Variants in TBC1D23 observed in about 807,000 individuals in gnomAD.
TBC1D23 encodes TBC1 domain family member 23.
TBC1D23 carries 55 observed loss-of-function variants against 91.4 expected under a neutral mutation model. The ratio of observed to expected loss-of-function variants is 0.60; its 90% CI spans 0.48 to 0.75. The LOEUF is 0.75. Among genes scored for constraint, TBC1D23 ranks in the 30% least tolerant of loss-of-function variants. TBC1D23 has a pLI of 0.00. For synonymous variants in TBC1D23, 289 were observed against 281.0 expected, an observed-to-expected ratio of 1.03 and a Z score of -0.28; for missense variants, 725 against 836.1, an observed-to-expected ratio of 0.87 and a Z score of 1.64.
chr3:100,299,355 A>T, intron 10 of TBC1D23, 24 bp downstream of exon 10: 4 of 1,444,880 alleles, frequency 2.8e-6, no homozygotes, highest in Non-Finnish European at 3.8e-6. Context: ...CTGATTAATT[A>T]TTCTTAAAGT....
At chr3:100,273,075 C>A (rs1352915374) in intron 1 of TBC1D23, among the ~76,000 whole-genome samples, 2 of 152,204 alleles carry the variant, frequency 1.3e-5, no homozygotes, top group South Asian at 2.1e-4. Flanking sequence ...TCAGGTCTTT[C>A]CCTGCCCACG....
chr3:100,312,245 T>A (rs544713346), intron 15 of TBC1D23, among the ~76,000 whole-genome samples: 8 of 152,206 alleles, frequency 5.3e-5, no homozygotes, highest in Non-Finnish European at 1.2e-4. Context: ...ATCTCCCGCC[T>A]AGCAGCAGAG....
At position 100,267,878 on chromosome 3, in the gene TBC1D23, G is replaced by A. The variant is rs921519725; in HGVS notation, c.53+6807G>A. Reference sequence around the variant, plus strand: ...GATCTTAAAACAGCTCTATGAGAAAGCAAAGTTATGCATTGGGCATGATGG... The same window carrying A: ...GATCTTAAAACAGCTCTATGAGAAAACAAAGTTATGCATTGGGCATGATGG... On this transcript the variant is annotated intron_variant, in intron 1 of 18. Coordinates refer to ENST00000394144, the MANE Select transcript of TBC1D23 (RefSeq NM_001199198.3). Among the ~76,000 whole-genome samples, 5 of 152,144 alleles carry A rather than the reference G, an allele frequency of 3.3e-5. No homozygotes were observed. The South Asian group carries it at 6.2e-4, about 19-fold the overall frequency.
intron 18 of TBC1D23, 26 bp downstream of exon 18, chr3:100,320,997 A>G (rs1467973586): frequency 2.7e-6 from 4 of 1,505,418 alleles, no homozygotes; most frequent in Non-Finnish European, 3.6e-6. Context: ...AGATAATATT[A>G]TCTGAATTCA....
chr3:100,323,027 A>G (rs1705889691), intron 18 of TBC1D23, among the ~76,000 whole-genome samples: 1 of 152,214 alleles, frequency 6.6e-6, no homozygotes, highest in Non-Finnish European at 1.5e-5. Context: ...AATAGTTATC[A>G]TAAGTCTTAT....
rs531477112 is a variant in TBC1D23 at position 100,309,306 on chromosome 3, A to T, written c.1414-1097A>T. ...TTTAAAAAGCAAACATTTACAAGGG[A>T]TATTTAAAAATGTAGCTGCATGGAT... On this transcript the variant is annotated intron_variant, in intron 13 of 18. Transcript: ENST00000394144. 3.9e-5 allele frequency among the ~76,000 whole-genome samples: 6 copies of T among 152,360 alleles called. No homozygotes were observed. In the South Asian group the frequency reaches 1.2e-3, roughly 32 times the overall value.
At chr3:100,291,714 A>G (rs1030154480) in intron 5 of TBC1D23, among the ~76,000 whole-genome samples, 13 of 151,792 alleles carry the variant, frequency 8.6e-5, no homozygotes, top group Admixed American at 7.9e-4. Flanking sequence ...AAATTAGAGT[A>G]GTGGCATTGT....
intron 8 of TBC1D23, among the ~76,000 whole-genome samples, chr3:100,296,796 T>C (rs1203832436): frequency 1.3e-5 from 2 of 150,492 alleles, no homozygotes; most frequent in Non-Finnish European, 3.0e-5. Context: ...GGAGGCGGAG[T>C]TTGCAGTGAG....
At position 100,311,858 on chromosome 3, in the gene TBC1D23, G is replaced by A. The variant is rs1272587451; in HGVS notation, c.1579G>A (p.Asp527Asn). 2 of 1,535,502 alleles carry A rather than the reference G, an allele frequency of 1.3e-6. No individual in the cohort carries two copies. Among genetic ancestry groups the A allele is most frequent in the Non-Finnish European group, 1.7e-6 (2 of 1,145,990 alleles). The change falls in exon 15 of 19, where the codon GAC (aspartate) becomes AAC (asparagine). Residue 527 changes from aspartate (D) to asparagine (N), a missense_variant. Transcript: ENST00000394144. ...DRMSFNLPWP[D>N]RSCTERHVSS... ...AATGTCTTTCAATCTTCCTTGGCCA[G>A]ACAGATCATGTACAGAGCGGTAAGC...
intron 17 of TBC1D23, 24 bp downstream of exon 17, chr3:100,319,228 A>G (rs767758340): frequency 6.9e-5 from 109 of 1,587,018 alleles, no homozygotes; most frequent in Non-Finnish European, 9.2e-5. Context: ...TGTCTTCATA[A>G]GAAGTAAAAT....
intron 5 of TBC1D23, among the ~76,000 whole-genome samples, chr3:100,292,895 G>A (rs1382501799): frequency 6.6e-6 from 1 of 151,840 alleles, no homozygotes; most frequent in African/African-American, 2.4e-5. Context: ...GCCAAGCCTA[G>A]TCTTGTCAAA....
intron 4 of TBC1D23, among the ~76,000 whole-genome samples, chr3:100,286,104 G>A (rs1456322964): frequency 6.6e-6 from 1 of 152,184 alleles, no homozygotes; most frequent in African/African-American, 2.4e-5. Context: ...ACTGCTTTAT[G>A]TAAGGAAAAC....
chr3:100,263,021 TGAAGAGAC>T (rs2067526589), intron 1 of TBC1D23, among the ~76,000 whole-genome samples: 1 of 152,156 alleles, frequency 6.6e-6, no homozygotes, highest in African/African-American at 2.4e-5. Context: ...CGCGTCCGTG[TGAAGAGAC>T]CACCAAACAG....
chr3:100,304,563 T>G (rs1189073136), intron 11 of TBC1D23, among the ~76,000 whole-genome samples: 1 of 152,200 alleles, frequency 6.6e-6, no homozygotes, highest in Non-Finnish European at 1.5e-5. Context: ...TAACTAATTT[T>G]GGTTTGACCA....
chr3:100,267,268 C>T, intron 1 of TBC1D23: 1 of 440,032 alleles, frequency 2.3e-6, no homozygotes, highest in Non-Finnish European at 4.5e-6. Flanking sequence ...TTCCATTAAG[C>T]TCATAAAATC....
At chr3:100,288,968 A>G (rs1280394798) in intron 4 of TBC1D23, among the ~76,000 whole-genome samples, 2 of 151,998 alleles carry the variant, frequency 1.3e-5, no homozygotes, top group East Asian at 1.9e-4. Context: ...AATCCCAGCA[A>G]TTTGGGAGGC....
intron 7 of TBC1D23, 35 bp downstream of exon 7, chr3:100,295,383 G>A (rs2148861577): frequency 6.4e-7 from 1 of 1,551,478 alleles, no homozygotes; most frequent in East Asian, 2.3e-5. Flanking sequence ...AACATTTCAG[G>A]TCTCTTTATC....
At chr3:100,292,898 T>C (rs2067804152) in intron 5 of TBC1D23, among the ~76,000 whole-genome samples, 1 of 151,878 alleles carries the variant, frequency 6.6e-6, no homozygotes, top group Non-Finnish European at 1.5e-5. Context: ...AAGCCTAGTC[T>C]TGTCAAAACT....
chr3:100,318,976 T>G lies in TBC1D23; in HGVS notation c.1688-93T>G, dbSNP rs1705803340. The G allele has an allele frequency of 4.9e-6, 4 of 808,994 alleles. No homozygotes were observed. The African/African-American group carries it at 7.2e-5, about 14-fold the overall frequency. 50.1% of individuals were successfully genotyped at this position (808,994 alleles called of 1,614,324 possible). A position where few individuals can be genotyped will look rare whatever the true frequency, so the allele number is the denominator to read the frequency against. The stretch of plus-strand genomic sequence containing the variant: ...GCTGTTTGTTTTTCAATCCATATCT[T>G]CAAAATACTACTGAAATTTTTTTAG... On this transcript the variant is annotated intron_variant, in intron 16 of 18. Coordinates refer to ENST00000394144, the MANE Select transcript of TBC1D23 (RefSeq NM_001199198.3).
Sources: gnomAD v4.1 joint callset for allele counts (sites outside exome capture counted in the v4.1 genomes callset) on GRCh38, gnomAD v4.1.1 for gene constraint, MANE v1.5 for transcripts, NCBI Gene and HGNC (gene_info 2026-07-23, HGNC 2026-07-21) for gene names.